HEPACAM2: variants seen among roughly 807,000 people sequenced by gnomAD.
The protein encoded by HEPACAM2 is mitotic kinetics regulator.
Under a neutral mutation model 49.6 loss-of-function variants are expected in HEPACAM2, and 49 were observed. That is an observed-to-expected ratio of 0.99 (90% CI 0.78 to 1.25). The LOEUF (loss-of-function observed/expected upper bound fraction) is 1.25. Ranked by LOEUF, HEPACAM2 falls within the 50% of genes most tolerant of loss-of-function variation. The pLI, the probability that HEPACAM2 is intolerant of heterozygous loss-of-function variation, is 0.00. For synonymous variants in HEPACAM2, 197 were observed against 202.9 expected, an observed-to-expected ratio of 0.97 and a Z score of 0.25; for missense variants, 525 against 557.2, an observed-to-expected ratio of 0.94 and a Z score of 0.58.
chr7:93,193,254 A>G (rs918183817), intron 8 of HEPACAM2, among the ~76,000 whole-genome samples: 2 of 152,090 alleles, frequency 1.3e-5, no homozygotes, highest in Non-Finnish European at 2.9e-5. Context: ...TTTTTCTAGA[A>G]ACCACTAATT....
Position 93,195,861 on chromosome 7 carries a change from A to G in HEPACAM2, c.1242T>C (p.Phe414=). The G allele has an allele frequency of 6.2e-7, 1 of 1,613,174 alleles. No individual in the cohort carries two copies. Among genetic ancestry groups the G allele is most frequent in the Non-Finnish European group, 8.5e-7 (1 of 1,179,486 alleles). The change falls in exon 8 of 10, where the codon TTT becomes TTC. Residue 414 remains phenylalanine, a synonymous_variant. Transcript: ENST00000394468. ...CACCAGAAACATCTGGAAAAGCAAC[A>G]AATTCATATATTCCGAAGTCATCCA... The part of the protein sequence containing the change: ...DALDDFGIYE[F]VAFPDVSGVS...
intron 2 of HEPACAM2, among the ~76,000 whole-genome samples, chr7:93,217,038 C>G (rs752732443): frequency 2.6e-5 from 4 of 152,144 alleles, no homozygotes; most frequent in Non-Finnish European, 5.9e-5. Context: ...GCTTATAGCA[C>G]TTTTCAAGAA....
In HEPACAM2 at chr7:93,219,468, G is replaced by A. The variant is rs1794402005; in HGVS notation, c.80-17C>T. 1 of 1,613,356 alleles carries A rather than the reference G, an allele frequency of 6.2e-7. No homozygotes were observed. The highest frequency in any genetic ancestry group is 1.7e-5 in the Admixed American group (1 of 59,974). The stretch of plus-strand genomic sequence containing the variant: ...AGCAAGCACCTGTTGCAAAGGAAAG[G>A]AAAGTTGTGAAGACCTTGAGCCACA... On this transcript the variant is annotated splice_polypyrimidine_tract_variant and intron_variant, in intron 1 of 9. Transcript: ENST00000394468.
At chr7:93,196,578 A>C (rs1486676463) in intron 7 of HEPACAM2, among the ~76,000 whole-genome samples, 1 of 152,080 alleles carries the variant, frequency 6.6e-6, no homozygotes, top group Non-Finnish European at 1.5e-5. Flanking sequence ...CATTTTATTT[A>C]ATTCTCATAG....
intron 2 of HEPACAM2, among the ~76,000 whole-genome samples, chr7:93,218,420 G>A (rs2116713525): frequency 6.6e-6 from 1 of 152,204 alleles, no homozygotes; most frequent in East Asian, 1.9e-4. Flanking sequence ...CCGTGGACTG[G>A]ATGTGGGATG....
At chr7:93,190,273 T>C (rs1481837687) in intron 9 of HEPACAM2, among the ~76,000 whole-genome samples, 1 of 152,006 alleles carries the variant, frequency 6.6e-6, no homozygotes, top group African/African-American at 2.4e-5. Flanking sequence ...TTAGAAAATA[T>C]TGGCTCCCCG....
rs1267138713 is a variant in HEPACAM2 at position 93,219,182 on chromosome 7, C to T, written c.349G>A (p.Glu117Lys). Residue 117 changes from glutamate to lysine, a missense_variant, in exon 2 of 10, where the codon GAA becomes AAA. By Grantham distance (56) the Glu-to-Lys change is moderately conservative. Transcript: ENST00000394468. Reference sequence around the variant, plus strand: ...TTGACCTTCACGATGTAATTGCCTTCATCAGGGAACTGCAGTGGGTTGATA... The same window carrying T: ...TTGACCTTCACGATGTAATTGCCTTTATCAGGGAACTGCAGTGGGTTGATA... Reference protein sequence around the residue: ...LLINPLQFPDEGNYIVKVNIQ... With the variant: ...LLINPLQFPDKGNYIVKVNIQ... 6.2e-7 allele frequency: 1 copy of T among 1,613,836 alleles called. No homozygotes were observed. The highest frequency in any genetic ancestry group is 8.5e-7 in the Non-Finnish European group (1 of 1,179,938).
chr7:93,197,485 C>A lies in HEPACAM2; in HGVS notation c.1138G>T (p.Val380Phe), dbSNP rs1474988932. ...FLWKKYQPYK[V>F]IKQKLEGRPE... ...TTTTTTTTTTGTAATTTTAACCTAC[C>A]TTTGTAGGGTTGATATTTTTTCCAT... The change falls in exon 5 of 10, where the codon GTT becomes TTT. Residue 380 changes from valine (V) to phenylalanine (F), a missense_variant and splice_region_variant. By Grantham distance (50) the Val-to-Phe change is conservative. Transcript: ENST00000394468. 1.3e-6 allele frequency: 2 copies of A among 1,587,434 alleles called. No homozygotes were observed. The highest frequency in any genetic ancestry group is 2.2e-5 in the East Asian group (1 of 44,474).
Position 93,208,727 on chromosome 7 carries a change from T to C in HEPACAM2, c.865A>G (p.Thr289Ala). ...TYSWIRRTDN[T>A]TYIIKHGPRL... ...GGCCCATGCTTAATGATATATGTAG[T>C]ATTGTCAGTCCTCCTAATCCAGGAG... Residue 289 changes from threonine to alanine, a missense_variant, in exon 4 of 10, where the codon ACT becomes GCT. By Grantham distance (58) the Thr-to-Ala change is moderately conservative. Transcript: ENST00000394468. 6.2e-7 allele frequency: 1 copy of C among 1,613,204 alleles called. No homozygotes were observed. Among genetic ancestry groups the C allele is most frequent in the Non-Finnish European group, 8.5e-7 (1 of 1,179,452 alleles).
At chr7:93,197,652 C>A in intron 4 of HEPACAM2, 42 bp from the exon 5 acceptor site, 2 of 1,440,546 alleles carry the variant, frequency 1.4e-6, no homozygotes, top group South Asian at 1.4e-5. Context: ...TAAATTGCTA[C>A]AGTATATAAC....
At chr7:93,205,530 C>A (rs1307583542) in intron 4 of HEPACAM2, 1 of 152,068 alleles carries the variant, frequency 6.6e-6, no homozygotes, top group Non-Finnish European at 1.5e-5. Context: ...CTGGCGACAC[C>A]AAACACCAAT....
rs943063944 is a variant in HEPACAM2, at chr7:93,217,847, CTCTT to C, written c.430+1250_430+1253del. The stretch of plus-strand genomic sequence containing the variant: ...AGATAGAGAGTGACTCTCTCTCTCT[CTCTT>C]TCTATTTTCTCTGAGCATGTGTGTC... On this transcript the variant is annotated intron_variant, in intron 2 of 9. Transcript: ENST00000394468. Among the ~76,000 whole-genome samples the C allele has an allele frequency of 9.2e-5, 14 of 151,512 alleles. No homozygotes were observed. In the East Asian group the frequency reaches 1.2e-3, roughly 13 times the overall value.
upstream of HEPACAM2, among the ~76,000 whole-genome samples, chr7:93,228,902 T>A (rs1053933870): frequency 5.9e-5 from 9 of 152,022 alleles, no homozygotes; most frequent in African/African-American, 1.9e-4. Context: ...TGTGTGTATG[T>A]TTGTTGGGGG....
At chr7:93,194,079 T>C (rs1793622495) in intron 8 of HEPACAM2, among the ~76,000 whole-genome samples, 1 of 152,160 alleles carries the variant, frequency 6.6e-6, no homozygotes, top group South Asian at 2.1e-4. Context: ...AATCAAGTTA[T>C]TCTGTTTCTG....
Position 93,194,576 on chromosome 7 carries a change from G to A in HEPACAM2, c.1275+1252C>T, listed in dbSNP as rs566856618. On this transcript the variant is annotated intron_variant, in intron 8 of 9. Transcript: ENST00000394468. ...ACTGTTACTGACTCACCCTTAGGGA[G>A]GATGAAATCCAATCAGTCCCTCTCC... Among the ~76,000 whole-genome samples the A allele has an allele frequency of 5.3e-5, 8 of 152,132 alleles. No homozygotes were observed. In the South Asian group the frequency reaches 1.7e-3, roughly 32 times the overall value.
In HEPACAM2 at chr7:93,215,490, A is replaced by G; in HGVS notation, c.626T>C (p.Val209Ala). The change falls in exon 3 of 10, where the codon GTA (valine) becomes GCA (alanine). Residue 209 changes from valine to alanine, a missense_variant. By Grantham distance (64) the Val-to-Ala change is moderately conservative (BLOSUM62 0). Coordinates refer to ENST00000394468, the MANE Select transcript of HEPACAM2 (RefSeq NM_001039372.4). The stretch of plus-strand genomic sequence containing the variant: ...GTAATTCCCAATGTCTTCCTTGGTT[A>G]CTGGAGCAATATGAAGGGTATTGTT... ...PQNNTLHIAPVTKEDIGNYSC... is the reference protein window; with the variant it reads ...PQNNTLHIAPATKEDIGNYSC... 1 of 1,613,854 alleles carries G rather than the reference A, an allele frequency of 6.2e-7. No individual in the cohort carries two copies. Among genetic ancestry groups the G allele is most frequent in the Non-Finnish European group, 8.5e-7 (1 of 1,179,858 alleles).
At chr7:93,207,715 G>A (rs1481264400) in intron 4 of HEPACAM2, among the ~76,000 whole-genome samples, 1 of 151,860 alleles carries the variant, frequency 6.6e-6, no homozygotes, top group Non-Finnish European at 1.5e-5. Context: ...AGACAGAATA[G>A]CAATTTTGGG....
intron 1 of HEPACAM2, among the ~76,000 whole-genome samples, chr7:93,221,830 T>C (rs925720257): frequency 2.6e-5 from 4 of 152,194 alleles, no homozygotes; most frequent in Non-Finnish European, 5.9e-5. Context: ...CTTCTGATAA[T>C]GGACCTACTT....
At chr7:93,221,022 A>G (rs1794438797) in intron 1 of HEPACAM2, among the ~76,000 whole-genome samples, 1 of 152,192 alleles carries the variant, frequency 6.6e-6, no homozygotes, top group African/African-American at 2.4e-5. Flanking sequence ...AATGAAAAGA[A>G]ACTGTAGACA....
Sources: allele counts gnomAD v4.1 joint callset (sites outside exome capture counted in the v4.1 genomes callset), GRCh38; gene constraint gnomAD v4.1.1; transcripts MANE v1.5; gene names NCBI Gene and HGNC (gene_info 2026-07-23, HGNC 2026-07-21).